Variants in CLIC5 observed in about 807,000 individuals in gnomAD.
CLIC5 encodes CLIC family member 5.
CLIC5 carries 20 observed loss-of-function variants against 24.7 expected under a neutral mutation model. That is an observed-to-expected ratio of 0.81 (90% CI 0.57 to 1.18). The LOEUF (loss-of-function observed/expected upper bound fraction) is 1.18, where lower values mean the gene tolerates loss of function less well. Ranked by LOEUF, CLIC5 falls within the 50% of genes most tolerant of loss-of-function variation. CLIC5 has a pLI of 0.00. For missense variants in CLIC5, 341 were observed against 326.1 expected (o/e 1.05, Z -0.35); for synonymous variants, 159 against 135.6 (o/e 1.17, Z -1.20).
intron 1 of CLIC5, among the ~76,000 whole-genome samples, chr6:46,067,903 C>T (rs1342492015): frequency 6.6e-6 from 1 of 152,070 alleles, no homozygotes; most frequent in Admixed American, 6.6e-5. Flanking sequence ...GAAGAGTGGC[C>T]TTAAAAAAGT....
chr6:45,964,422 G>A (rs1245146281), intron 1 of CLIC5, among the ~76,000 whole-genome samples: 1 of 152,130 alleles, frequency 6.6e-6, no homozygotes, highest in Non-Finnish European at 1.5e-5. Flanking sequence ...AGGCTTTTGT[G>A]ACTGCCTGGA....
intron 1 of CLIC5, among the ~76,000 whole-genome samples, chr6:45,988,150 C>T (rs1197368495): frequency 6.6e-6 from 1 of 152,176 alleles, no homozygotes; most frequent in Non-Finnish European, 1.5e-5. Context: ...AGACACATTA[C>T]ATGCTTCCAA....
At chr6:46,120,235 C>T in the CLIC5 span, among the ~76,000 whole-genome samples, 7 of 152,136 alleles carry the variant, frequency 4.6e-5, no homozygotes, top group African/African-American at 4.8e-5. Context: ...GAGATGAAAC[C>T]GCCAGAGGAA....
At chr6:45,990,905 G>A (rs1038519855) in intron 1 of CLIC5, among the ~76,000 whole-genome samples, 22 of 152,168 alleles carry the variant, frequency 1.4e-4, no homozygotes, top group Admixed American at 3.3e-4. Context: ...AAAAGGGACT[G>A]GATCTCTGAA....
At chr6:45,962,955 T>C (rs987594896) in intron 1 of CLIC5, among the ~76,000 whole-genome samples, 1 of 152,232 alleles carries the variant, frequency 6.6e-6, no homozygotes, top group Non-Finnish European at 1.5e-5. Flanking sequence ...CACCCTCCTG[T>C]GCTTCACACA....
chr6:45,993,849 A>G (rs929522938), intron 1 of CLIC5, among the ~76,000 whole-genome samples: 1 of 152,218 alleles, frequency 6.6e-6, no homozygotes, highest in African/African-American at 2.4e-5. Flanking sequence ...TTCTTTCTAT[A>G]GCAAGCCCTG....
intron 3 of CLIC5, among the ~76,000 whole-genome samples, chr6:45,944,792 G>A (rs2127373141): frequency 6.6e-6 from 1 of 152,110 alleles, no homozygotes; most frequent in East Asian, 1.9e-4. Flanking sequence ...ATACCCTGGA[G>A]AAAAAGAAAG....
chr6:46,048,969 C>T (rs1401512823), intron 1 of CLIC5, among the ~76,000 whole-genome samples: 1 of 152,146 alleles, frequency 6.6e-6, no homozygotes, highest in East Asian at 1.9e-4. Context: ...AATTTAAAAG[C>T]CAGAGTGGTC....
intron 3 of CLIC5, among the ~76,000 whole-genome samples, chr6:45,947,883 G>A (rs1764338862): frequency 6.6e-6 from 1 of 152,102 alleles, no homozygotes; most frequent in Non-Finnish European, 1.5e-5. Context: ...GCTTCCAATG[G>A]GCTTGAGGTG....
At chr6:46,003,648 G>A (rs139309017) in intron 1 of CLIC5, among the ~76,000 whole-genome samples, 1 of 152,160 alleles carries the variant, frequency 6.6e-6, no homozygotes, top group African/African-American at 2.4e-5. Flanking sequence ...ACTCACCCCT[G>A]TGGGTTTTGG....
chr6:46,058,184 C>A (rs541202428), intron 1 of CLIC5, among the ~76,000 whole-genome samples: 1 of 152,222 alleles, frequency 6.6e-6, no homozygotes, highest in South Asian at 2.1e-4. Context: ...AGCAGAAAAT[C>A]TGGCATATAG....
chr6:46,012,032 C>T (rs1235452755), intron 1 of CLIC5, among the ~76,000 whole-genome samples: 7 of 152,200 alleles, frequency 4.6e-5, no homozygotes, highest in Non-Finnish European at 1.0e-4. Context: ...TATGTTCTCC[C>T]ATGGAATCCT....
intron 1 of CLIC5, among the ~76,000 whole-genome samples, chr6:45,975,077 G>T (rs1678346299): frequency 6.6e-6 from 1 of 152,124 alleles, no homozygotes; most frequent in Non-Finnish European, 1.5e-5. Context: ...AACAAATAAA[G>T]TAAGCTAAAA....
At chr6:45,919,524 C>T (rs933339441) in intron 4 of CLIC5, among the ~76,000 whole-genome samples, 1 of 151,964 alleles carries the variant, frequency 6.6e-6, no homozygotes, top group Non-Finnish European at 1.5e-5. Flanking sequence ...TCATCCCCAA[C>T]TCCCCTGTGC....
chr6:46,033,459 T>G (rs2127456978), intron 1 of CLIC5, among the ~76,000 whole-genome samples: 1 of 152,316 alleles, frequency 6.6e-6, no homozygotes, highest in Non-Finnish European at 1.5e-5. Context: ...TATCCAGAAT[T>G]CATCAAATCT....
In CLIC5 at chr6:45,925,551, G is replaced by A. The variant is rs561199331; in HGVS notation, c.407-11142C>T. On this transcript the variant is annotated intron_variant, in intron 4 of 5. Transcript: ENST00000339561. ...AGGCTGGTCTTGAACTCCTGACCTC[G>A]TGATCCGCCTGCCCTGGCCTCCCAA... Among the ~76,000 whole-genome samples, 193 of 152,252 alleles carry A rather than the reference G, an allele frequency of 1.3e-3. 1 individual carries two copies. The highest frequency in any genetic ancestry group is 4.1e-3 in the African/African-American group (170 of 41,546).
chr6:45,944,162 C>G (rs1040645816), intron 3 of CLIC5, among the ~76,000 whole-genome samples: 1 of 151,896 alleles, frequency 6.6e-6, no homozygotes, highest in Non-Finnish European at 1.5e-5. Flanking sequence ...CCCATGACCC[C>G]TATTTGTCTG....
At chr6:45,964,433 T>A (rs1325522256) in intron 1 of CLIC5, among the ~76,000 whole-genome samples, 1 of 152,068 alleles carries the variant, frequency 6.6e-6, no homozygotes. Flanking sequence ...ACTGCCTGGA[T>A]GAATGGAATA....
intron 1 of CLIC5, among the ~76,000 whole-genome samples, chr6:46,078,855 T>C (rs190702052): frequency 1.6e-4 from 25 of 152,274 alleles, no homozygotes; most frequent in African/African-American, 6.0e-4. Flanking sequence ...TACTGGGAAC[T>C]GGGGAAGAGA....
Sources: allele counts gnomAD v4.1 joint callset (sites outside exome capture counted in the v4.1 genomes callset), GRCh38; gene constraint gnomAD v4.1.1; transcripts MANE v1.5; gene names NCBI Gene and HGNC (gene_info 2026-07-23, HGNC 2026-07-21).